TTLL7: variants seen among roughly 807,000 people sequenced by gnomAD.
The protein encoded by TTLL7 is tubulin tyrosine ligase like 7.
In TTLL7, 53 loss-of-function variants were observed where a neutral mutation model predicts 120.2. That is an observed-to-expected ratio of 0.44 (90% confidence interval 0.35 to 0.55). TTLL7 has a LOEUF of 0.55. Among genes scored for constraint, TTLL7 ranks in the 20% least tolerant of loss-of-function variants. TTLL7 has a pLI of 0.00. For missense variants in TTLL7, 803 were observed against 1,054.7 expected, an observed-to-expected ratio of 0.76 and a Z score of 3.31; for synonymous variants, 353 against 351.7, an observed-to-expected ratio of 1.00 and a Z score of -0.04.
At chr1:83,986,045 T>G (rs890900661) in intron 1 of TTLL7, among the ~76,000 whole-genome samples, 4 of 152,168 alleles carry the variant, frequency 2.6e-5, no homozygotes, top group Admixed American at 1.3e-4. Flanking sequence ...GAAGAAACAC[T>G]TTCCAACTCA....
intron 7 of TTLL7, among the ~76,000 whole-genome samples, chr1:83,939,627 C>A (rs950593261): frequency 3.3e-5 from 5 of 152,114 alleles, no homozygotes; most frequent in Admixed American, 1.3e-4. Flanking sequence ...TGTTTTTCAG[C>A]GTGTAGGCTT....
chr1:83,910,249 T>C (rs1420224464), intron 15 of TTLL7, among the ~76,000 whole-genome samples: 1 of 152,158 alleles, frequency 6.6e-6, no homozygotes, highest in East Asian at 1.9e-4. Context: ...GAAGTTAACA[T>C]ATTAAATACA....
intron 14 of TTLL7, among the ~76,000 whole-genome samples, chr1:83,915,628 C>CA (rs1658085480): frequency 1.3e-5 from 2 of 151,966 alleles, no homozygotes; most frequent in African/African-American, 4.8e-5. Flanking sequence ...CAACAAAAGC[C>CA]AAAATTGACA....
chr1:83,868,116 G>A lies in TTLL7; in HGVS notation c.*1846C>T, dbSNP rs1268052556. 6.6e-6 allele frequency: 1 copy of A among 152,132 alleles called. No homozygotes were observed. The highest frequency in any genetic ancestry group is 1.5e-5 in the Non-Finnish European group (1 of 67,988). The allele number at this position is 152,132 out of a possible 1,614,324, so 9.4% of individuals were successfully genotyped here. A position where few individuals can be genotyped will look rare whatever the true frequency, so the allele number is the denominator to read the frequency against. ...AAAGGCTCAGAAGATGGCTTGAAAA[G>A]CAAAATACATCTAACTTATAACTTT... is the stretch of plus-strand genomic sequence containing the variant. On this transcript the variant is annotated 3_prime_UTR_variant, in exon 21 of 21. Coordinates refer to ENST00000260505, the MANE Select transcript of TTLL7 (RefSeq NM_024686.6).
At chr1:83,916,044 GACTGTAA>G (rs1425433825) in intron 14 of TTLL7, among the ~76,000 whole-genome samples, 4 of 152,254 alleles carry the variant, frequency 2.6e-5, no homozygotes, top group Admixed American at 2.0e-4. Context: ...CTGTTGGTGG[GACTGTAA>G]ACTAGTTCAA....
chr1:83,945,833 C>A lies in TTLL7; in HGVS notation c.506+1291G>T, dbSNP rs181086821. 1.3e-3 allele frequency among the ~76,000 whole-genome samples: 196 copies of A among 151,932 alleles called. 1 individual carries two copies. Among genetic ancestry groups the A allele is most frequent in the South Asian group, 4.2e-3 (20 of 4,806 alleles). On this transcript the variant is annotated intron_variant, in intron 6 of 20. Coordinates refer to ENST00000260505, the MANE Select transcript of TTLL7 (RefSeq NM_024686.6). ...TCAATTCTTTACCATCAGAAACATT[C>A]CTTTAATGCTAACACAGAGACAGCC...
At chr1:83,963,173 T>G (rs1179969671) in intron 1 of TTLL7, among the ~76,000 whole-genome samples, 3 of 152,108 alleles carry the variant, frequency 2.0e-5, no homozygotes, top group Admixed American at 1.3e-4. Context: ...GCTCCAAGGA[T>G]GCGTACATGA....
chr1:83,923,984 T>C (rs1264138016), intron 10 of TTLL7, among the ~76,000 whole-genome samples: 3 of 152,190 alleles, frequency 2.0e-5, no homozygotes, highest in Non-Finnish European at 4.4e-5. Flanking sequence ...AGAAGTTCTA[T>C]GAGCTTGTTT....
At chr1:83,879,036 T>C (rs1196168477) in intron 20 of TTLL7, among the ~76,000 whole-genome samples, 1 of 151,986 alleles carries the variant, frequency 6.6e-6, no homozygotes, top group Non-Finnish European at 1.5e-5. Flanking sequence ...GTATACTTCA[T>C]AAGTTATTTC....
At chr1:83,878,927 A>G (rs1305857100) in intron 20 of TTLL7, among the ~76,000 whole-genome samples, 1 of 151,892 alleles carries the variant, frequency 6.6e-6, no homozygotes, top group Admixed American at 6.6e-5. Context: ...GTAAAGATAA[A>G]CCTGGTCCCC....
At chr1:83,892,731 CAT>C (rs541977369) in intron 18 of TTLL7, among the ~76,000 whole-genome samples, 8 of 149,226 alleles carry the variant, frequency 5.4e-5, no homozygotes, top group Non-Finnish European at 7.4e-5. Context: ...TATGTGAACA[CAT>C]ATATATGAGC....
At chr1:83,899,096 A>G (rs976795964) in intron 18 of TTLL7, among the ~76,000 whole-genome samples, 2 of 151,936 alleles carry the variant, frequency 1.3e-5, no homozygotes, top group East Asian at 3.9e-4. Context: ...ATAAAACTTT[A>G]TAGTAAAGTT....
chr1:83,907,650 G>A lies in TTLL7; in HGVS notation c.1798C>T (p.Arg600Cys), dbSNP rs775786620. The A allele has an allele frequency of 1.7e-5, 28 of 1,612,460 alleles. No individual in the cohort carries two copies. Among genetic ancestry groups the A allele is most frequent in the Non-Finnish European group, 2.3e-5 (27 of 1,179,260 alleles). ...KLIQQPSSIR[R>C]SVSCPRSISA... ...ATGGACCGAGGGCAGCTGACTGAAC[G>A]TCTTATGGAGCCTATCAGTGATGGA... is the stretch of plus-strand genomic sequence containing the variant. The change falls in exon 16 of 21, where the codon CGT becomes TGT. Residue 600 changes from arginine (R) to cysteine (C), a missense_variant. Around this residue, in one of 3 missense-constraint regions of TTLL7, gnomAD observed 388 missense variants for 450.4 expected, o/e 0.86. Transcript: ENST00000260505.
At chr1:83,975,814 T>C (rs1358657176) in intron 1 of TTLL7, among the ~76,000 whole-genome samples, 1 of 152,160 alleles carries the variant, frequency 6.6e-6, no homozygotes, top group Admixed American at 6.5e-5. Flanking sequence ...AAACGTAGTA[T>C]TCTAATGTAC....
At chr1:83,897,828 C>T (rs1446496310) in intron 18 of TTLL7, among the ~76,000 whole-genome samples, 2 of 148,924 alleles carry the variant, frequency 1.3e-5, no homozygotes, top group Non-Finnish European at 3.0e-5. Flanking sequence ...CCTACTTGCG[C>T]TCTCTCTCCC....
intron 9 of TTLL7, among the ~76,000 whole-genome samples, chr1:83,930,048 G>C (rs892490301): frequency 6.6e-6 from 1 of 152,088 alleles, no homozygotes; most frequent in Middle Eastern, 3.4e-3. Flanking sequence ...AATTACCCAG[G>C]AATACAACAT....
At chr1:83,941,730 A>C (rs1340623410) in intron 7 of TTLL7, among the ~76,000 whole-genome samples, 1 of 152,222 alleles carries the variant, frequency 6.6e-6, no homozygotes, top group Non-Finnish European at 1.5e-5. Flanking sequence ...ATAAATTATA[A>C]TTTAACTTTC....
chr1:83,868,943 CTTCT>C lies in TTLL7; in HGVS notation c.*1015_*1018del. On this transcript the variant is annotated 3_prime_UTR_variant, in exon 21 of 21. Coordinates refer to ENST00000260505, the MANE Select transcript of TTLL7 (RefSeq NM_024686.6). ...TTCCATTTTATTTATTTATTTTTAT[CTTCT>C]TTTTATTTATTTATTTATTTTATTT... 6.7e-6 allele frequency: 1 copy of C among 149,186 alleles called. No homozygotes were observed. Among genetic ancestry groups the C allele is most frequent in the Non-Finnish European group, 1.5e-5 (1 of 67,212 alleles). The allele number at this position is 149,186 out of a possible 1,614,324, so 9.2% of individuals were successfully genotyped here.
intron 18 of TTLL7, among the ~76,000 whole-genome samples, chr1:83,892,724 G>GAACATATATA (rs1282968892): frequency 1.7e-3 from 24 of 13,792 alleles, no homozygotes; most frequent in Non-Finnish European, 2.7e-3. Context: ...ACATATATAT[G>GAACATATATA]TGAACACATA....
Sources: allele counts gnomAD v4.1 joint callset (sites outside exome capture counted in the v4.1 genomes callset), GRCh38; gene constraint gnomAD v4.1.1; regional missense constraint gnomAD v4.1.1; transcripts MANE v1.5; gene names NCBI Gene and HGNC (gene_info 2026-07-23, HGNC 2026-07-21).